The following DLC1 variants were observed in gnomAD, a reference collection of about 807,000 sequenced individuals.
DLC1 encodes rho GTPase-activating protein 7.
Under a neutral mutation model 140.3 loss-of-function variants are expected in DLC1, and 54 were observed. That is an observed-to-expected ratio of 0.38 (90% CI 0.31 to 0.48). DLC1 has a LOEUF of 0.48. DLC1 is among the 20% of genes least tolerant of loss of function. DLC1 has a pLI of 0.96. For synonymous variants in DLC1, 986 were observed against 728.1 expected (o/e 1.35, Z -5.70); for missense variants, 2,536 against 1,907.0 (o/e 1.33, Z -6.14).
chr8:13,095,722 G>C (rs1818449656), intron 10 of DLC1: 1 of 157,842 alleles, frequency 6.3e-6, no homozygotes. Context: ...TGAAAAACAA[G>C]GTCCCTTTTG....
chr8:13,488,751 C>T lies in DLC1; in HGVS notation c.1023+10298G>A, dbSNP rs556973528. ...ACTTTACTTGTAGTTCAAAACTTAC[C>T]GAAGTTAATTACGCTTAATATGAAA... is the stretch of plus-strand genomic sequence containing the variant. On this transcript the variant is annotated intron_variant, in intron 2 of 17. Coordinates refer to ENST00000276297, the MANE Select transcript of DLC1 (RefSeq NM_182643.3). Among the ~76,000 whole-genome samples the T allele has an allele frequency of 2.1e-4, 32 of 152,152 alleles. 1 individual carries two copies. In the South Asian group the frequency reaches 5.4e-3, roughly 26 times the overall value.
chr8:13,132,108 TCCTCGG>T (rs1421178103), intron 5 of DLC1, among the ~76,000 whole-genome samples: 1 of 151,934 alleles, frequency 6.6e-6, no homozygotes, highest in African/African-American at 2.4e-5. Context: ...AGGAACTCGC[TCCTCGG>T]CCTCCTTGTC....
intron 5 of DLC1, among the ~76,000 whole-genome samples, chr8:13,244,789 C>A (rs10503439): frequency 3.3e-5 from 5 of 151,944 alleles, no homozygotes; most frequent in Non-Finnish European, 7.4e-5. Context: ...ATTATAGTTT[C>A]GACATATTTG....
intron 4 of DLC1, among the ~76,000 whole-genome samples, chr8:13,309,701 G>A (rs946330164): frequency 6.6e-6 from 1 of 152,068 alleles, no homozygotes; most frequent in African/African-American, 2.4e-5. Flanking sequence ...CTGCAGAAAT[G>A]GCTTTCTGCA....
At chr8:13,395,367 C>T (rs569464235) in intron 3 of DLC1, among the ~76,000 whole-genome samples, 14 of 152,256 alleles carry the variant, frequency 9.2e-5, no homozygotes, top group African/African-American at 2.9e-4. Flanking sequence ...GTGATCCACC[C>T]GCCTTGGCCT....
chr8:13,088,454 C>T (rs1325741105), intron 16 of DLC1, 33 bp downstream of exon 16: 2 of 1,609,826 alleles, frequency 1.2e-6, no homozygotes, highest in South Asian at 1.1e-5. Context: ...TGGAGTCATC[C>T]TTGTCACAAA....
intron 4 of DLC1, chr8:13,342,581 G>A (rs1376742175): frequency 1.3e-5 from 2 of 152,238 alleles, no homozygotes; most frequent in African/African-American, 2.4e-5. Context: ...GAAGAGGAAG[G>A]AATTCTGCCC....
At chr8:13,130,015 C>T (rs1326856701) in intron 5 of DLC1, among the ~76,000 whole-genome samples, 2 of 152,156 alleles carry the variant, frequency 1.3e-5, no homozygotes, top group Admixed American at 6.5e-5. Flanking sequence ...CTGTCCAGCA[C>T]AAGGCTCTCT....
intron 2 of DLC1, among the ~76,000 whole-genome samples, chr8:13,407,800 G>A (rs572088406): frequency 5.3e-5 from 8 of 152,238 alleles, no homozygotes; most frequent in East Asian, 3.9e-4. Flanking sequence ...TCACTCACCC[G>A]TGAAAGAAAG....
chr8:13,116,133 A>C lies in DLC1; in HGVS notation c.1349-476T>G, dbSNP rs969207533. The C allele has an allele frequency of 7.1e-6, 7 of 986,930 alleles. No individual in the cohort carries two copies. The Admixed American group carries it at 1.8e-4, about 26-fold the overall frequency. The allele number at this position is 986,930 out of a possible 1,614,324, so 61.1% of individuals were successfully genotyped here. ...CTGACACCCAGGGGTTGGGTGTTTC[A>C]AAAGCCCCTGACCTTGTGTTGTTTC... On this transcript the variant is annotated intron_variant, in intron 5 of 17. Transcript: ENST00000276297.
intron 5 of DLC1, among the ~76,000 whole-genome samples, chr8:13,236,015 C>T (rs1267012929): frequency 1.3e-5 from 2 of 151,598 alleles, no homozygotes; most frequent in Non-Finnish European, 2.9e-5. Flanking sequence ...AGATATTAAC[C>T]AAATTTTCTG....
At chr8:13,555,386 C>T (rs1012507096) in intron 1 of DLC1, among the ~76,000 whole-genome samples, 12 of 152,054 alleles carry the variant, frequency 7.9e-5, no homozygotes, top group Admixed American at 5.9e-4. Context: ...GACAAGATAG[C>T]CATAGCAACT....
At chr8:13,495,211 A>T (rs1277903404) in intron 2 of DLC1, among the ~76,000 whole-genome samples, 3 of 152,218 alleles carry the variant, frequency 2.0e-5, no homozygotes. Context: ...CTATTTAAGT[A>T]GTCTTTACAG....
At chr8:13,453,132 C>T (rs1585132766) in intron 2 of DLC1, among the ~76,000 whole-genome samples, 3 of 150,820 alleles carry the variant, frequency 2.0e-5, no homozygotes, top group African/African-American at 7.3e-5. Context: ...GCATTTTCAT[C>T]AGGATCAAAA....
At chr8:13,506,567 ATG>A (rs1487289216) in intron 1 of DLC1, among the ~76,000 whole-genome samples, 21 of 111,814 alleles carry the variant, frequency 1.9e-4, no homozygotes, top group Admixed American at 6.5e-4. Context: ...ACACACACAC[ATG>A]TGTGTGTGTG....
At chr8:13,479,867 G>GAGAA (rs754001452) in intron 2 of DLC1, among the ~76,000 whole-genome samples, 653 of 13,928 alleles carry the variant, frequency 0.047, 36 homozygotes, top group Middle Eastern at 0.12. Flanking sequence ...AAGAGAAAAA[G>GAGAA]AAAGAAAGAA....
chr8:13,198,720 G>C (rs1345048996), intron 5 of DLC1, among the ~76,000 whole-genome samples: 1 of 148,814 alleles, frequency 6.7e-6, no homozygotes, highest in East Asian at 2.0e-4. Context: ...CCTTGGCATG[G>C]CTTTTTTTTT....
intron 5 of DLC1, chr8:13,277,021 C>G (rs957693128): frequency 2.0e-5 from 3 of 152,316 alleles, no homozygotes; most frequent in Admixed American, 6.5e-5. Flanking sequence ...TGGATTCCCT[C>G]TAAGAAATGG....
chr8:13,298,594 C>T (rs1440090731), intron 5 of DLC1, among the ~76,000 whole-genome samples: 1 of 151,956 alleles, frequency 6.6e-6, no homozygotes, highest in Non-Finnish European at 1.5e-5. Flanking sequence ...CACAGCTAAG[C>T]AAGATAATAA....
Sources: allele counts gnomAD v4.1 joint callset (sites outside exome capture counted in the v4.1 genomes callset), GRCh38; gene constraint gnomAD v4.1.1; transcripts MANE v1.5; gene names NCBI Gene and HGNC (gene_info 2026-07-23, HGNC 2026-07-21).